ACSL4: variants seen among roughly 807,000 people sequenced by gnomAD.
ACSL4 encodes acyl-CoA synthetase long chain family member 4.
ACSL4 carries 9 observed loss-of-function variants against 49.1 expected under a neutral mutation model. The ratio of observed to expected loss-of-function variants is 0.18; its 90% confidence interval spans 0.11 to 0.32. ACSL4 has a LOEUF of 0.32. Among genes scored for constraint, ACSL4 ranks in the 10% least tolerant of loss-of-function variants. The probability of loss-of-function intolerance (pLI) is 1.00; values close to 1 mark genes in which losing one functional copy is unlikely to be tolerated. For synonymous variants in ACSL4, 191 were observed against 170.3 expected (o/e 1.12, Z -0.95); for missense variants, 333 against 493.7 (o/e 0.67, Z 3.08).
intron 15 of ACSL4, among the ~76,000 whole-genome samples, chrX:109,654,750 G>A (rs1921481347): frequency 8.9e-6 from 1 of 112,235 alleles, no homozygotes; most frequent in Non-Finnish European, 1.9e-5. Flanking sequence ...GAGATGAGGG[G>A]TAAAGCTGGA....
chrX:109,678,156 A>G (rs369728524), intron 7 of ACSL4, 45 bp from the exon 8 acceptor site: 2 of 1,207,421 alleles, frequency 1.7e-6, no homozygotes, highest in Non-Finnish European at 2.2e-6. Flanking sequence ...TTGAAAAGGC[A>G]TTTGAAGTTA....
intron 2 of ACSL4, among the ~76,000 whole-genome samples, chrX:109,686,745 T>C (rs1924633531): frequency 9.2e-6 from 1 of 108,651 alleles, no homozygotes; most frequent in African/African-American, 3.4e-5. Flanking sequence ...GTAATCCTCA[T>C]AGTGCTTAGT....
At chrX:109,731,726 T>C (rs868199205) in intron 1 of ACSL4, among the ~76,000 whole-genome samples, 80 of 111,898 alleles carry the variant, frequency 7.1e-4, no homozygotes, top group African/African-American at 2.5e-3. Context: ...AACAGTTTAA[T>C]GTTTCATCCC....
At chrX:109,659,218 A>T in intron 15 of ACSL4, 136 bp downstream of exon 15, 1 of 581,297 alleles carries the variant, frequency 1.7e-6, no homozygotes, top group Non-Finnish European at 2.8e-6. Flanking sequence ...ATGGAAATCC[A>T]TTATACATAT....
intron 2 of ACSL4, among the ~76,000 whole-genome samples, chrX:109,688,320 A>G (rs1251591135): frequency 9.0e-6 from 1 of 111,452 alleles, no homozygotes; most frequent in Non-Finnish European, 1.9e-5. Context: ...TCATTTATGC[A>G]TTACACCCTG....
At chrX:109,668,928 G>T in intron 10 of ACSL4, 106 bp downstream of exon 10, 1 of 649,585 alleles carries the variant, frequency 1.5e-6, no homozygotes, top group African/African-American at 2.2e-5. Flanking sequence ...GATCATGGTG[G>T]TGATATTCAA....
intron 1 of ACSL4, among the ~76,000 whole-genome samples, chrX:109,707,805 A>G (rs959752904): frequency 3.6e-5 from 4 of 112,172 alleles, no homozygotes; most frequent in Non-Finnish European, 7.5e-5. Flanking sequence ...GCATTGCCAG[A>G]GTATTTAAGA....
intron 1 of ACSL4, among the ~76,000 whole-genome samples, chrX:109,697,376 C>T (rs776680779): frequency 2.7e-5 from 3 of 111,203 alleles, no homozygotes; most frequent in Non-Finnish European, 5.7e-5. Context: ...TAGACGCCCC[C>T]ATGGAAGTCA....
rs1233932631 is a variant in ACSL4, at chrX:109,648,245, C to T, written c.1856-4059G>A. 3.6e-5 allele frequency among the ~76,000 whole-genome samples: 4 copies of T among 111,465 alleles called. No individual in the cohort carries two copies. The East Asian group carries it at 1.1e-3, about 31-fold the overall frequency. On this transcript the variant is annotated intron_variant, in intron 15 of 15. Coordinates refer to ENST00000672401, the MANE Select transcript of ACSL4 (RefSeq NM_001318510.2). ...AAAAAAGAGAATTTTAGACCAATAT[C>T]CTTGATGAACATTGATGCAAAAATC...
chrX:109,670,225 A>G (rs763431385), intron 9 of ACSL4, among the ~76,000 whole-genome samples: 1 of 112,048 alleles, frequency 8.9e-6, no homozygotes, highest in East Asian at 2.8e-4. Context: ...TGAATAACTT[A>G]ATGGGCAGTT....
chrX:109,645,985 G>C (rs929793864), intron 15 of ACSL4, among the ~76,000 whole-genome samples: 1 of 111,782 alleles, frequency 8.9e-6, no homozygotes, highest in Non-Finnish European at 1.9e-5. Context: ...AGAATAAAAA[G>C]AAACGAGCAA....
chrX:109,683,089 G>GT, intron 3 of ACSL4, 47 bp downstream of exon 3: 1 of 1,149,696 alleles, frequency 8.7e-7, no homozygotes. Context: ...TAAAACAAAT[G>GT]TGTCTTCCTC....
At chrX:109,699,779 T>C (rs977796621) in intron 1 of ACSL4, among the ~76,000 whole-genome samples, 7 of 111,550 alleles carry the variant, frequency 6.3e-5, no homozygotes, top group Non-Finnish European at 1.3e-4. Context: ...AAAATAAAAA[T>C]TGTATACTTA....
At chrX:109,659,571 G>A (rs895178001) in intron 14 of ACSL4, 60 bp from the exon 15 acceptor site, 5 of 762,407 alleles carry the variant, frequency 6.6e-6, no homozygotes, top group Non-Finnish European at 1.0e-5. Context: ...TCATAAACTA[G>A]TCAATGACAT....
chrX:109,657,126 T>C lies in ACSL4; in HGVS notation c.1855+2228A>G, dbSNP rs1026006160. On this transcript the variant is annotated intron_variant, in intron 15 of 15. Transcript: ENST00000672401. ...GTGGTTTCAATTATCCCCGAGTCTA[T>C]AGCAGAGTCCAGGCCTCTCCCAATA... 9.8e-5 allele frequency among the ~76,000 whole-genome samples: 11 copies of C among 112,001 alleles called. No homozygotes were observed. The South Asian group carries it at 1.8e-3, about 19-fold the overall frequency.
At chrX:109,653,277 T>C (rs904694322) in intron 15 of ACSL4, among the ~76,000 whole-genome samples, 18 of 111,817 alleles carry the variant, frequency 1.6e-4, no homozygotes, top group African/African-American at 5.9e-4. Context: ...CCAGTTAGAA[T>C]GGCAATCATT....
intron 12 of ACSL4, among the ~76,000 whole-genome samples, chrX:109,664,233 T>C (rs918596748): frequency 2.7e-5 from 3 of 110,847 alleles, no homozygotes; most frequent in Non-Finnish European, 5.7e-5. Context: ...AAACTCCAAA[T>C]ACATGTTCAA....
chrX:109,712,434 A>G (rs1926815848), intron 1 of ACSL4, among the ~76,000 whole-genome samples: 1 of 112,063 alleles, frequency 8.9e-6, no homozygotes. Flanking sequence ...TACAAACTTG[A>G]TGCCAATTCT....
At chrX:109,671,542 C>G (rs1923239486) in intron 9 of ACSL4, among the ~76,000 whole-genome samples, 1 of 112,389 alleles carries the variant, frequency 8.9e-6, no homozygotes, top group Admixed American at 9.3e-5. Flanking sequence ...AGGTGAGGAG[C>G]CCCTCTGCCA....
Sources: allele counts gnomAD v4.1 joint callset (sites outside exome capture counted in the v4.1 genomes callset), GRCh38; gene constraint gnomAD v4.1.1; transcripts MANE v1.5; gene names NCBI Gene and HGNC (gene_info 2026-07-23, HGNC 2026-07-21).